The following CACNA1C variants were observed in gnomAD, a reference collection of about 807,000 sequenced individuals.
CACNA1C encodes the protein voltage-dependent L-type calcium channel subunit alpha-1C.
CACNA1C carries 30 observed loss-of-function variants against 229.0 expected under a neutral mutation model. The ratio of observed to expected loss-of-function variants is 0.13; its 90% CI spans 0.10 to 0.18. The LOEUF (loss-of-function observed/expected upper bound fraction) is 0.18. CACNA1C is among the 10% of genes least tolerant of loss of function. The probability of loss-of-function intolerance (pLI) is 1.00; values close to 1 mark genes in which losing one functional copy is unlikely to be tolerated. For synonymous variants in CACNA1C, 1,114 were observed against 1,132.5 expected, an observed-to-expected ratio of 0.98 and a Z score of 0.33; for missense variants, 1,658 against 2,845.0, an observed-to-expected ratio of 0.58 and a Z score of 9.49.
chr12:2,606,835 G>A (rs774870089), intron 25 of CACNA1C, 149 bp from the exon 26 acceptor site: 85 of 1,034,166 alleles, frequency 8.2e-5, no homozygotes, highest in Non-Finnish European at 1.2e-4. Context: ...TGTTCCTGAA[G>A]TTTCTGCCCA....
rs12301952 is a variant in CACNA1C at position 2,047,013 on chromosome 12, G to A, written c.140-68211G>A. Reference sequence around the variant, plus strand: ...TCTTCAGCTTTGCTCTCTGAACCGTGGGTTGGGGGATTTCCCCCAAAGCCT... The same window carrying A: ...TCTTCAGCTTTGCTCTCTGAACCGTAGGTTGGGGGATTTCCCCCAAAGCCT... On this transcript the variant is annotated intron_variant, in intron 1 of 46. Transcript: ENST00000682462. 4.5e-3 allele frequency among the ~76,000 whole-genome samples: 678 copies of A among 152,302 alleles called. 5 individuals carry two copies. The highest frequency in any genetic ancestry group is 0.015 in the African/African-American group (638 of 41,558).
chr12:2,159,824 G>A (rs2095756091), intron 3 of CACNA1C, among the ~76,000 whole-genome samples: 1 of 152,108 alleles, frequency 6.6e-6, no homozygotes, highest in South Asian at 2.1e-4. Flanking sequence ...GGCTGGTAGC[G>A]AACTCCTGAC....
At chr12:2,584,417 C>A in intron 15 of CACNA1C, 86 bp from the exon 16 acceptor site, 2 of 882,176 alleles carry the variant, frequency 2.3e-6, no homozygotes, top group Admixed American at 1.9e-5. Flanking sequence ...AGGAGCTCTA[C>A]CCTGCACGCC....
chr12:2,097,000 T>C (rs2074295246), intron 1 of CACNA1C, among the ~76,000 whole-genome samples: 1 of 152,226 alleles, frequency 6.6e-6, no homozygotes, highest in Non-Finnish European at 1.5e-5. Context: ...TTGGGTTGTT[T>C]CTATCTTTTG....
At chr12:2,156,573 A>G (rs1014957696) in intron 3 of CACNA1C, among the ~76,000 whole-genome samples, 5 of 152,244 alleles carry the variant, frequency 3.3e-5, no homozygotes, top group African/African-American at 9.6e-5. Context: ...AGCTGCAACC[A>G]GTTGCTTACA....
rs1235750620 is a variant in CACNA1C, at chr12:2,108,889, A to G, written c.50-6335A>G. Among the ~76,000 whole-genome samples, 1 of 152,204 alleles carries G rather than the reference A, an allele frequency of 6.6e-6. No individual in the cohort carries two copies. Among genetic ancestry groups the G allele is most frequent in the Non-Finnish European group, 1.5e-5 (1 of 68,032 alleles). On this transcript the variant is annotated intron_variant, in intron 1 of 46. Coordinates refer to ENST00000399655, the MANE Select transcript of CACNA1C (RefSeq NM_000719.7). This position sits in a 1 kb window ranked among gnomAD's most constrained non-coding sequence, Gnocchi z 5.3. ...GTTCCAGGTTGTCTGCGATACTCTT[A>G]AAGGGAATGCAGGCCCCTTGTCACT...
At chr12:2,264,441 C>T (rs993266597) in intron 3 of CACNA1C, among the ~76,000 whole-genome samples, 24 of 152,230 alleles carry the variant, frequency 1.6e-4, no homozygotes, top group Non-Finnish European at 2.6e-4. Flanking sequence ...ACTCCCTCCT[C>T]TTACAGATGG....
chr12:2,655,389 G>A (rs1382066295), intron 34 of CACNA1C, among the ~76,000 whole-genome samples, 151 bp downstream of exon 34: 1 of 152,172 alleles, frequency 6.6e-6, no homozygotes, highest in Non-Finnish European at 1.5e-5. Context: ...GGAGGCCAGT[G>A]GGTCCATTGT....
chr12:2,313,993 T>G (rs1198167258), intron 3 of CACNA1C, among the ~76,000 whole-genome samples: 2 of 152,312 alleles, frequency 1.3e-5, no homozygotes, highest in East Asian at 3.9e-4. Flanking sequence ...CTGCTGGCGG[T>G]GCCTATGTGG....
chr12:2,046,477 T>C (rs2051070901), intron 1 of CACNA1C, among the ~76,000 whole-genome samples: 1 of 152,120 alleles, frequency 6.6e-6, no homozygotes, highest in African/African-American at 2.4e-5. Context: ...GATAGTTACA[T>C]AATTAGCATG....
At chr12:2,546,231 G>A (rs28588423) in intron 9 of CACNA1C, among the ~76,000 whole-genome samples, 3 of 150,196 alleles carry the variant, frequency 2.0e-5, no homozygotes, top group Non-Finnish European at 4.4e-5. Flanking sequence ...ACACTATTCT[G>A]TGCAGTTGCT....
chr12:2,509,832 A>G (rs1798550390), intron 8 of CACNA1C, among the ~76,000 whole-genome samples: 1 of 152,184 alleles, frequency 6.6e-6, no homozygotes, highest in African/African-American at 2.4e-5. Flanking sequence ...CCTCAGCGGG[A>G]ACATGTAGAG....
intron 3 of CACNA1C, among the ~76,000 whole-genome samples, chr12:2,388,833 A>G (rs1329026356): frequency 6.6e-6 from 1 of 152,288 alleles, no homozygotes; most frequent in South Asian, 2.1e-4. Flanking sequence ...TGATCAGTTC[A>G]TGGTCCATGT....
At chr12:2,591,032 C>T (rs2065047801) in intron 18 of CACNA1C, among the ~76,000 whole-genome samples, 1 of 152,154 alleles carries the variant, frequency 6.6e-6, no homozygotes, top group African/African-American at 2.4e-5. Context: ...GTCCTGTAGA[C>T]AGTTTTTCAT....
intron 3 of CACNA1C, among the ~76,000 whole-genome samples, chr12:2,411,791 G>C (rs759101696): frequency 1.3e-5 from 2 of 152,242 alleles, no homozygotes; most frequent in Non-Finnish European, 2.9e-5. Flanking sequence ...CCATCCTCAG[G>C]ATTGCTGGGC....
chr12:2,316,028 A>G (rs1170757375), intron 3 of CACNA1C, among the ~76,000 whole-genome samples: 3 of 152,246 alleles, frequency 2.0e-5, no homozygotes, highest in South Asian at 2.1e-4. Flanking sequence ...AAGGGTAAGA[A>G]TAACCATAAG....
At chr12:2,536,208 G>A (rs143878510) in intron 9 of CACNA1C, among the ~76,000 whole-genome samples, 71 of 152,326 alleles carry the variant, frequency 4.7e-4, no homozygotes, top group African/African-American at 1.7e-3. Flanking sequence ...CAGGAAAGAC[G>A]GGGCCCCAGA....
chr12:2,203,961 G>A (rs1442760862), intron 3 of CACNA1C, among the ~76,000 whole-genome samples: 1 of 152,312 alleles, frequency 6.6e-6, no homozygotes, highest in East Asian at 1.9e-4. Flanking sequence ...AGGCTCTGCA[G>A]TCTTTTGGAC....
intron 3 of CACNA1C, among the ~76,000 whole-genome samples, chr12:2,244,511 A>G (rs903127787): frequency 3.0e-4 from 45 of 152,374 alleles, no homozygotes; most frequent in African/African-American, 9.6e-4. Context: ...GCAGTAGTTC[A>G]GGATTCCCCT....
Sources: gnomAD v4.1 joint callset for allele counts (sites outside exome capture counted in the v4.1 genomes callset) on GRCh38, gnomAD v4.1.1 for gene constraint, Gnocchi (gnomAD v3.1) non-coding constraint, MANE v1.5 for transcripts, NCBI Gene and HGNC (gene_info 2026-07-23, HGNC 2026-07-21) for gene names.